Variants in GRAMD4 observed in about 807,000 individuals in gnomAD.
GRAMD4 encodes the protein GRAM domain-containing protein 4.
A neutral mutation model predicts 83.9 loss-of-function variants in GRAMD4; 25 were observed. The ratio of observed to expected loss-of-function variants is 0.30; its 90% CI spans 0.22 to 0.42. The LOEUF is 0.42. GRAMD4 is among the 10% of genes least tolerant of loss of function. GRAMD4 has a pLI of 1.00. For synonymous variants in GRAMD4, 336 were observed against 320.9 expected (o/e 1.05, Z -0.50); for missense variants, 593 against 788.7 (o/e 0.75, Z 2.97).
intron 1 of GRAMD4, among the ~76,000 whole-genome samples, chr22:46,625,141 T>C (rs1269714765): frequency 6.6e-6 from 1 of 152,166 alleles, no homozygotes; most frequent in Non-Finnish European, 1.5e-5. Context: ...ATTACAGGCG[T>C]GAGCCACCGC....
upstream of GRAMD4, among the ~76,000 whole-genome samples, chr22:46,615,501 G>A (rs1337850675): frequency 1.5e-5 from 2 of 135,838 alleles, no homozygotes; most frequent in Non-Finnish European, 1.6e-5. Context: ...GTGTGTGCGG[G>A]TTCCCCTGTG....
rs576662621 is a variant in GRAMD4, at chr22:46,621,908, T to C, written c.-50+1343T>C. On this transcript the variant is annotated intron_variant, in intron 1 of 18. Transcript: ENST00000406902. The surrounding 1 kb of genome is among the most constrained non-coding windows in gnomAD (Gnocchi z 5.8). ...CTGTCTTTTTGATGGACCCAGGGAG[T>C]TGGGTGAGGAGGGTGGTGGAGTCAG... is the stretch of plus-strand genomic sequence containing the variant. 6.6e-6 allele frequency among the ~76,000 whole-genome samples: 1 copy of C among 151,780 alleles called. No homozygotes were observed. Among genetic ancestry groups the C allele is most frequent in the East Asian group, 1.9e-4 (1 of 5,138 alleles).
At chr22:46,589,543 G>C (rs191821382) in intron 1 of GRAMD4, among the ~76,000 whole-genome samples, 1 of 151,994 alleles carries the variant, frequency 6.6e-6, no homozygotes, top group Admixed American at 6.5e-5. Flanking sequence ...CAGGGGATGT[G>C]GGGGGTGGCT....
rs776790001 is a variant in GRAMD4 at position 46,666,850 on chromosome 22, G to C, written c.835G>C (p.Val279Leu). The stretch of plus-strand genomic sequence containing the variant: ...GGGGTGGCGGATACAGTGGAGCATC[G>C]TGCCCGAAGTGTCTGAGCCCGTGGT... ...ARGWRIQWSIVPEVSEPVEPP... is the reference protein window; with the variant it reads ...ARGWRIQWSILPEVSEPVEPP... Residue 279 changes from valine (V) to leucine (L), a missense_variant, in exon 10 of 19, where the codon GTG (valine) becomes CTG (leucine). Transcript: ENST00000406902. The C allele has an allele frequency of 6.2e-7, 1 of 1,605,238 alleles. No homozygotes were observed. The highest frequency in any genetic ancestry group is 8.5e-7 in the Non-Finnish European group (1 of 1,175,736).
chr22:46,648,943 G>GATGGATGGATGC (rs2082124253), intron 3 of GRAMD4, among the ~76,000 whole-genome samples: 1 of 85,318 alleles, frequency 1.2e-5, no homozygotes, highest in Admixed American at 1.3e-4. Context: ...TGCATGGATG[G>GATGGATGGATGC]ATGGATGGAT....
upstream of GRAMD4, among the ~76,000 whole-genome samples, chr22:46,617,479 C>T (rs1403583746): frequency 2.0e-5 from 3 of 151,700 alleles, no homozygotes; most frequent in African/African-American, 4.8e-5. Flanking sequence ...GTGTAGGTTC[C>T]CCTGTGCGTG....
intron 2 of GRAMD4, among the ~76,000 whole-genome samples, chr22:46,629,089 G>A (rs1303767610): frequency 2.6e-5 from 4 of 152,078 alleles, no homozygotes; most frequent in Admixed American, 6.5e-5. Context: ...GCTGTGAGGG[G>A]CTGCGGGGGG....
intron 18 of GRAMD4, 97 bp downstream of exon 18, chr22:46,676,765 T>G: frequency 2.6e-6 from 3 of 1,146,444 alleles, no homozygotes; most frequent in Non-Finnish European, 3.8e-6. Context: ...CAGCCAGAGT[T>G]TTAGTTTGGG....
intron 1 of GRAMD4, among the ~76,000 whole-genome samples, chr22:46,589,985 G>T (rs993407223): frequency 1.3e-5 from 2 of 152,228 alleles, no homozygotes; most frequent in African/African-American, 4.8e-5. Context: ...GCATGTATTG[G>T]TGGGGAGGCC....
chr22:46,680,589 T>C (rs12166667), downstream of GRAMD4, among the ~76,000 whole-genome samples: 6,006 of 13,894 alleles, frequency 0.43, 1,566 homozygotes, highest in South Asian at 0.59. Flanking sequence ...CATCCATCCA[T>C]CCATCCACCC....
chr22:46,643,336 C>CATGCATCT (rs1569284162), intron 3 of GRAMD4, among the ~76,000 whole-genome samples: 12 of 7,534 alleles, frequency 1.6e-3, no homozygotes, highest in East Asian at 0.05. Flanking sequence ...TGCATCTATC[C>CATGCATCT]ATCCATCCAT....
intron 3 of GRAMD4, among the ~76,000 whole-genome samples, chr22:46,657,212 C>CT (rs2147321183): frequency 6.6e-6 from 1 of 152,314 alleles, no homozygotes; most frequent in South Asian, 2.1e-4. Context: ...GCCCAGGCCT[C>CT]TGAGAAGGAC....
At chr22:46,583,176 G>A (rs1406912109) in intron 1 of GRAMD4, among the ~76,000 whole-genome samples, 2 of 152,134 alleles carry the variant, frequency 1.3e-5, no homozygotes, top group African/African-American at 2.4e-5. Flanking sequence ...CATTCGCTTC[G>A]GTCTCTCAAA....
chr22:46,674,638 G>A lies in GRAMD4; in HGVS notation c.1385-19G>A. On this transcript the variant is annotated intron_variant, in intron 15 of 18. Coordinates refer to ENST00000406902, the MANE Select transcript of GRAMD4 (RefSeq NM_015124.5). ...GTACTTCCAGTGGAAAGTGTGACAGGCGGGCCTTCTCCCATTAGTGTGCGA... is the reference window on the plus strand; with the variant it reads ...GTACTTCCAGTGGAAAGTGTGACAGACGGGCCTTCTCCCATTAGTGTGCGA... The A allele has an allele frequency of 6.4e-7, 1 of 1,552,214 alleles. No homozygotes were observed. Among genetic ancestry groups the A allele is most frequent in the Admixed American group, 1.7e-5 (1 of 59,942 alleles).
At chr22:46,609,483 C>T (rs539796555) in intron 1 of GRAMD4, among the ~76,000 whole-genome samples, 5 of 152,358 alleles carry the variant, frequency 3.3e-5, no homozygotes, top group East Asian at 1.9e-4. Flanking sequence ...TTTGGAGGTA[C>T]ACAAAGGCTC....
intron 1 of GRAMD4, among the ~76,000 whole-genome samples, chr22:46,609,255 CCTCCGCG>C (rs2081394987): frequency 6.6e-6 from 1 of 152,236 alleles, no homozygotes; most frequent in Non-Finnish European, 1.5e-5. Context: ...ATCCTGTTGC[CCTCCGCG>C]CAGGAGCCTG....
chr22:46,607,347 A>G (rs138535), intron 1 of GRAMD4, among the ~76,000 whole-genome samples: 115,379 of 151,736 alleles, frequency 0.76, 45,571 homozygotes, highest in East Asian at 1. Flanking sequence ...AGTGTTATAA[A>G]AAAAGGAGGG....
At chr22:46,632,164 G>A (rs2147191385) in intron 2 of GRAMD4, among the ~76,000 whole-genome samples, 1 of 152,374 alleles carries the variant, frequency 6.6e-6, no homozygotes, top group Non-Finnish European at 1.5e-5. Context: ...GGGGAAGGTT[G>A]GAGGGGCCCT....
At chr22:46,645,464 C>A (rs1050992031) in intron 3 of GRAMD4, among the ~76,000 whole-genome samples, 1 of 152,200 alleles carries the variant, frequency 6.6e-6, no homozygotes, top group Non-Finnish European at 1.5e-5. Flanking sequence ...AGTTCTAATT[C>A]TTGACTCAGG....
Sources: gnomAD v4.1 joint callset for allele counts (sites outside exome capture counted in the v4.1 genomes callset) on GRCh38, gnomAD v4.1.1 for gene constraint, Gnocchi (gnomAD v3.1) non-coding constraint, MANE v1.5 for transcripts, NCBI Gene and HGNC (gene_info 2026-07-23, HGNC 2026-07-21) for gene names.